The following KCNQ3 variants were observed in gnomAD, a reference collection of about 807,000 sequenced individuals.
KCNQ3 encodes potassium voltage-gated channel subfamily Q member 3.
KCNQ3 carries 30 observed loss-of-function variants against 92.5 expected under a neutral mutation model. That is an observed-to-expected ratio of 0.32 (90% confidence interval 0.24 to 0.44). The LOEUF is 0.44. Among genes scored for constraint, KCNQ3 ranks in the 20% least tolerant of loss-of-function variants. The probability of loss-of-function intolerance (pLI) is 1.00; values close to 1 mark genes in which losing one functional copy is unlikely to be tolerated. For synonymous variants in KCNQ3, 450 were observed against 468.8 expected, an observed-to-expected ratio of 0.96 and a Z score of 0.52; for missense variants, 913 against 1,140.3, an observed-to-expected ratio of 0.80 and a Z score of 2.87.
chr8:132,396,144 C>T (rs943414223), intron 1 of KCNQ3, among the ~76,000 whole-genome samples: 4 of 152,152 alleles, frequency 2.6e-5, no homozygotes, highest in Non-Finnish European at 4.4e-5. Flanking sequence ...CCTTCATTTC[C>T]GACCCAGGCA....
chr8:132,480,560 C>G lies in KCNQ3; in HGVS notation c.-28G>C. 7.9e-7 allele frequency: 1 copy of G among 1,261,146 alleles called. No individual in the cohort carries two copies. Among genetic ancestry groups the G allele is most frequent in the East Asian group, 6.1e-5 (1 of 16,352 alleles). 78.1% of individuals were successfully genotyped at this position (1,261,146 alleles called of 1,614,324 possible). On this transcript the variant is annotated 5_prime_UTR_variant, in exon 1 of 15. Transcript: ENST00000388996. ...GCCTCGCCCCCGCCGGCCGCTTCGC[C>G]TTCTCCGCTGCTGCTCTGGGAAGAA... is the stretch of plus-strand genomic sequence containing the variant.
chr8:132,414,332 C>A (rs1050572588), intron 1 of KCNQ3, among the ~76,000 whole-genome samples: 1 of 152,146 alleles, frequency 6.6e-6, no homozygotes, highest in African/African-American at 2.4e-5. Flanking sequence ...AGGGAGGGAT[C>A]CCCTCTAGCA....
At chr8:132,217,860 C>T (rs895534045) in intron 1 of KCNQ3, among the ~76,000 whole-genome samples, 1 of 152,078 alleles carries the variant, frequency 6.6e-6, no homozygotes, top group African/African-American at 2.4e-5. Context: ...GCCAGGCCTA[C>T]TTCAATAAAT....
chr8:132,374,276 G>A (rs763654998), intron 1 of KCNQ3, among the ~76,000 whole-genome samples: 1 of 152,170 alleles, frequency 6.6e-6, no homozygotes, highest in Non-Finnish European at 1.5e-5. Flanking sequence ...TGGTGATGTT[G>A]TAAAGACAAG....
At chr8:132,311,236 C>A (rs1436354860) in intron 1 of KCNQ3, among the ~76,000 whole-genome samples, 1 of 152,176 alleles carries the variant, frequency 6.6e-6, no homozygotes, top group Non-Finnish European at 1.5e-5. Context: ...TTTGTTTATT[C>A]TGACAACGTT....
intron 1 of KCNQ3, among the ~76,000 whole-genome samples, chr8:132,336,267 C>A (rs975711053): frequency 6.6e-6 from 1 of 152,176 alleles, no homozygotes; most frequent in African/African-American, 2.4e-5. Context: ...TCCAGCTGTG[C>A]CTCCACCTCC....
At chr8:132,230,453 G>GAGAGAGAGAGAGAGAGAGAC (rs1814605021) in intron 1 of KCNQ3, among the ~76,000 whole-genome samples, 1 of 35,926 alleles carries the variant, frequency 2.8e-5, no homozygotes, top group Non-Finnish European at 5.5e-5. Context: ...GAGAGACAGA[G>GAGAGAGAGAGAGAGAGAGAC]AGAGAGAGAG....
rs1448567826 is a variant in KCNQ3, at chr8:132,123,068, AC to A, written c.*6193del. On this transcript the variant is annotated 3_prime_UTR_variant, in exon 15 of 15. Coordinates refer to ENST00000388996, the MANE Select transcript of KCNQ3 (RefSeq NM_004519.4). ...AGTGCAAAGGGACACCTTTGGTAAA[AC>A]TGGCCACTTTGGGTCATATAGATCC... 6.6e-6 allele frequency: 1 copy of A among 152,176 alleles called. No homozygotes were observed. The highest frequency in any genetic ancestry group is 1.5e-5 in the Non-Finnish European group (1 of 68,036). The allele number at this position is 152,176 out of a possible 1,614,324, so 9.4% of individuals were successfully genotyped here.
intron 1 of KCNQ3, among the ~76,000 whole-genome samples, chr8:132,403,032 A>AAAAAAAGG (rs61533581): frequency 6.7e-6 from 1 of 148,662 alleles, no homozygotes; most frequent in African/African-American, 2.5e-5. Context: ...AAAAAAAAAA[A>AAAAAAAGG]GTGTCAATAT....
At chr8:132,477,444 T>A (rs1822441013) in intron 1 of KCNQ3, among the ~76,000 whole-genome samples, 1 of 151,342 alleles carries the variant, frequency 6.6e-6, no homozygotes, top group Admixed American at 6.6e-5. Context: ...CAGAACAAGA[T>A]AATGGATGCT....
chr8:132,353,021 T>G (rs1818918841), intron 1 of KCNQ3, among the ~76,000 whole-genome samples: 1 of 152,138 alleles, frequency 6.6e-6, no homozygotes, highest in Admixed American at 6.5e-5. Flanking sequence ...GGTCAGGAGT[T>G]TGAGACCAGC....
At chr8:132,287,390 T>C (rs1816706922) in intron 1 of KCNQ3, among the ~76,000 whole-genome samples, 1 of 152,242 alleles carries the variant, frequency 6.6e-6, no homozygotes, top group African/African-American at 2.4e-5. Flanking sequence ...TTGTTTTAAA[T>C]TTGACAATCC....
chr8:132,444,149 C>T (rs1283707220), intron 1 of KCNQ3, among the ~76,000 whole-genome samples: 1 of 152,146 alleles, frequency 6.6e-6, no homozygotes, highest in African/African-American at 2.4e-5. Context: ...ACTCCATCAA[C>T]CCCTATTTCC....
At chr8:132,140,034 G>A (rs377583720) in intron 11 of KCNQ3, 42 bp downstream of exon 11, 65 of 1,330,782 alleles carry the variant, frequency 4.9e-5, no homozygotes, top group Admixed American at 6.3e-5. Context: ...GAGCTGGAGC[G>A]GGGGAGGCAC....
intron 1 of KCNQ3, among the ~76,000 whole-genome samples, chr8:132,385,628 CTTCCT>C (rs1236754247): frequency 6.6e-6 from 1 of 152,182 alleles, no homozygotes; most frequent in East Asian, 1.9e-4. Context: ...CCCTTCCTCT[CTTCCT>C]TCCACCATGG....
intron 9 of KCNQ3, among the ~76,000 whole-genome samples, chr8:132,157,244 T>C (rs1825825164): frequency 6.6e-6 from 1 of 152,186 alleles, no homozygotes; most frequent in South Asian, 2.1e-4. Flanking sequence ...CATTCTTGTG[T>C]GCTAAGGGAT....
chr8:132,402,732 T>C (rs1233300981), intron 1 of KCNQ3, among the ~76,000 whole-genome samples: 1 of 151,998 alleles, frequency 6.6e-6, no homozygotes, highest in East Asian at 1.9e-4. Flanking sequence ...AATAATAATG[T>C]ATTGGCCCGG....
At chr8:132,178,288 T>C (rs1343938675) in intron 4 of KCNQ3, among the ~76,000 whole-genome samples, 1 of 152,242 alleles carries the variant, frequency 6.6e-6, no homozygotes, top group Non-Finnish European at 1.5e-5. Flanking sequence ...CTGTAAAGCA[T>C]GCTCTGACCT....
chr8:132,365,569 G>C (rs900271885), intron 1 of KCNQ3, among the ~76,000 whole-genome samples: 1 of 152,148 alleles, frequency 6.6e-6, no homozygotes, highest in Admixed American at 6.5e-5. Context: ...AGATAAATTA[G>C]TTCACCTCTA....
Sources: gnomAD v4.1 joint callset for allele counts (sites outside exome capture counted in the v4.1 genomes callset) on GRCh38, gnomAD v4.1.1 for gene constraint, MANE v1.5 for transcripts, NCBI Gene and HGNC (gene_info 2026-07-23, HGNC 2026-07-21) for gene names.